The following CTDSPL2 variants were observed in gnomAD, a reference collection of about 807,000 sequenced individuals.
The protein encoded by CTDSPL2 is CTD small phosphatase like 2.
A neutral mutation model predicts 60.0 loss-of-function variants in CTDSPL2; 5 were observed. The ratio of observed to expected loss-of-function variants is 0.08; its 90% CI spans 0.04 to 0.18. The LOEUF is 0.18. CTDSPL2 is among the 10% of genes least tolerant of loss of function. CTDSPL2 has a pLI of 1.00. For missense variants in CTDSPL2, 370 were observed against 548.8 expected, an observed-to-expected ratio of 0.67 and a Z score of 3.26; for synonymous variants, 186 against 189.3, an observed-to-expected ratio of 0.98 and a Z score of 0.14.
intron 2 of CTDSPL2, among the ~76,000 whole-genome samples, chr15:44,472,314 T>C (rs948660377): frequency 6.6e-6 from 1 of 152,174 alleles, no homozygotes; most frequent in African/African-American, 2.4e-5. Flanking sequence ...TAGCAAAATA[T>C]GAGGATTCCA....
At chr15:44,436,348 C>T (rs1406780064) in intron 1 of CTDSPL2, among the ~76,000 whole-genome samples, 4 of 152,116 alleles carry the variant, frequency 2.6e-5, no homozygotes, top group Admixed American at 6.6e-5. Flanking sequence ...CTGAAGACTC[C>T]TTAACATGTA....
chr15:44,471,347 A>T (rs977499315), intron 2 of CTDSPL2, among the ~76,000 whole-genome samples: 1 of 152,218 alleles, frequency 6.6e-6, no homozygotes, highest in Non-Finnish European at 1.5e-5. Flanking sequence ...ACTTCTTTGT[A>T]GCAGCTTTAT....
chr15:44,519,014 A>T (rs1200409624), intron 10 of CTDSPL2, 155 bp from the exon 11 acceptor site: 1 of 414,606 alleles, frequency 2.4e-6, no homozygotes, highest in African/African-American at 2.1e-5. Context: ...GTAAAATGGC[A>T]GCCCAACGCT....
At chr15:44,464,041 C>G (rs2080632131) in intron 2 of CTDSPL2, among the ~76,000 whole-genome samples, 1 of 152,142 alleles carries the variant, frequency 6.6e-6, no homozygotes, top group Non-Finnish European at 1.5e-5. Context: ...TGCAGTTTCA[C>G]TCTTGTTGCC....
intron 1 of CTDSPL2, among the ~76,000 whole-genome samples, chr15:44,431,073 C>T (rs1051323184): frequency 3.3e-5 from 5 of 151,710 alleles, no homozygotes; most frequent in African/African-American, 7.3e-5. Context: ...CCACCCACCT[C>T]GGCCTCCCAA....
chr15:44,492,917 T>A (rs1438005453), intron 5 of CTDSPL2, among the ~76,000 whole-genome samples: 1 of 152,214 alleles, frequency 6.6e-6, no homozygotes. Context: ...CTGTTCGATG[T>A]TTGTTCTGTA....
At position 44,524,443 on chromosome 15, in the gene CTDSPL2, T is replaced by G. The variant is rs1352304389; in HGVS notation, c.*269T>G. 2 of 344,264 alleles carry G rather than the reference T, an allele frequency of 5.8e-6. No homozygotes were observed. The highest frequency in any genetic ancestry group is 1.1e-5 in the Non-Finnish European group (2 of 189,160). 21.3% of individuals were successfully genotyped at this position (344,264 alleles called of 1,614,324 possible). A position where few individuals can be genotyped will look rare whatever the true frequency, so the allele number is the denominator to read the frequency against. ...TTTTATGTACAGGACATCTGCAGTT[T>G]ATAAAGAATTCTGTTTCTGCCACCA... On this transcript the variant is annotated 3_prime_UTR_variant, in exon 13 of 13. Transcript: ENST00000260327.
chr15:44,498,876 A>G (rs1016541663), intron 7 of CTDSPL2, among the ~76,000 whole-genome samples: 13 of 152,148 alleles, frequency 8.5e-5, no homozygotes, highest in Non-Finnish European at 5.9e-5. Context: ...GTAAAATTAC[A>G]TGAAACGTAA....
In CTDSPL2 at chr15:44,446,064, T is replaced by A. The variant is rs567285138; in HGVS notation, c.-24-12927T>A. On this transcript the variant is annotated intron_variant, in intron 1 of 12. Coordinates refer to ENST00000260327, the MANE Select transcript of CTDSPL2 (RefSeq NM_016396.3). The stretch of plus-strand genomic sequence containing the variant: ...CCTCAGCCTCCCAAGTAGCTGGGAC[T>A]ACAGGAGCCCACCACCACGCCTGGT... 1.2e-4 allele frequency among the ~76,000 whole-genome samples: 18 copies of A among 151,422 alleles called. 1 individual carries two copies. The South Asian group carries it at 3.8e-3, about 32-fold the overall frequency.
intron 1 of CTDSPL2, among the ~76,000 whole-genome samples, chr15:44,457,359 C>T (rs1216474982): frequency 1.3e-5 from 2 of 152,234 alleles, no homozygotes. Flanking sequence ...CCTGCTGCTT[C>T]ACCTCACCTT....
intron 2 of CTDSPL2, among the ~76,000 whole-genome samples, chr15:44,466,966 G>A (rs1328563828): frequency 6.6e-6 from 1 of 150,902 alleles, no homozygotes; most frequent in African/African-American, 2.4e-5. Flanking sequence ...AAAACATAAT[G>A]TTACTGTACT....
In CTDSPL2 at chr15:44,524,363, A is replaced by T; in HGVS notation, c.*189A>T. 2 of 575,154 alleles carry T rather than the reference A, an allele frequency of 3.5e-6. No individual in the cohort carries two copies. The highest frequency in any genetic ancestry group is 4.3e-5 in the South Asian group (2 of 46,508). 35.6% of individuals were successfully genotyped at this position (575,154 alleles called of 1,614,324 possible). A position where few individuals can be genotyped will look rare whatever the true frequency, so the allele number is the denominator to read the frequency against. ...TATCTATCTCAGATCGAATACATAT[A>T]GTAGGTAGGCTAAAACAGAAGAGTC... On this transcript the variant is annotated 3_prime_UTR_variant, in exon 13 of 13. Coordinates refer to ENST00000260327, the MANE Select transcript of CTDSPL2 (RefSeq NM_016396.3).
At chr15:44,515,430 T>A (rs979850659) in intron 10 of CTDSPL2, among the ~76,000 whole-genome samples, 1 of 152,186 alleles carries the variant, frequency 6.6e-6, no homozygotes, top group African/African-American at 2.4e-5. Context: ...GTGGTGATTT[T>A]AAAATATTAT....
intron 1 of CTDSPL2, among the ~76,000 whole-genome samples, chr15:44,452,559 G>C (rs993395587): frequency 6.6e-6 from 1 of 152,074 alleles, no homozygotes; most frequent in Non-Finnish European, 1.5e-5. Flanking sequence ...TAAAAATGTA[G>C]AAGTGAAATC....
At chr15:44,432,366 C>T (rs1238579418) in intron 1 of CTDSPL2, among the ~76,000 whole-genome samples, 1 of 151,920 alleles carries the variant, frequency 6.6e-6, no homozygotes, top group East Asian at 1.9e-4. Flanking sequence ...GTCGCCCAGG[C>T]TGGAGTGCAG....
intron 1 of CTDSPL2, among the ~76,000 whole-genome samples, chr15:44,439,922 A>G (rs936144509): frequency 6.6e-6 from 1 of 152,138 alleles, no homozygotes; most frequent in Non-Finnish European, 1.5e-5. Flanking sequence ...TGAGTTGGGA[A>G]GTGTTCCCTT....
At position 44,497,206 on chromosome 15, in the gene CTDSPL2, G is replaced by T. The variant is rs965839482; in HGVS notation, c.882+68G>T. Reference sequence around the variant, plus strand: ...AATTCTTTTTTAGAATCATGCTTATGTTAGCTTTCCCTTTTTTTTGTCAGG... The same window carrying T: ...AATTCTTTTTTAGAATCATGCTTATTTTAGCTTTCCCTTTTTTTTGTCAGG... On this transcript the variant is annotated intron_variant, in intron 7 of 12. Transcript: ENST00000260327. 4.5e-6 allele frequency: 4 copies of T among 894,754 alleles called. No individual in the cohort carries two copies. The Admixed American group carries it at 9.6e-5, about 21-fold the overall frequency. 55.4% of individuals were successfully genotyped at this position (894,754 alleles called of 1,614,324 possible). A position where few individuals can be genotyped will look rare whatever the true frequency, so the allele number is the denominator to read the frequency against.
At chr15:44,446,912 G>T (rs1444783209) in intron 1 of CTDSPL2, among the ~76,000 whole-genome samples, 1 of 151,676 alleles carries the variant, frequency 6.6e-6, no homozygotes, top group African/African-American at 2.4e-5. Context: ...CTGCCACTAT[G>T]CCCAGCTAAT....
intron 2 of CTDSPL2, among the ~76,000 whole-genome samples, chr15:44,464,475 C>G (rs1345400176): frequency 3.3e-5 from 5 of 152,116 alleles, no homozygotes; most frequent in African/African-American, 4.8e-5. Context: ...TTAACTGATA[C>G]CTGTATTATT....
Sources: allele counts gnomAD v4.1 joint callset (sites outside exome capture counted in the v4.1 genomes callset), GRCh38; gene constraint gnomAD v4.1.1; transcripts MANE v1.5; gene names NCBI Gene and HGNC (gene_info 2026-07-23, HGNC 2026-07-21).